Variants in EPHB1 observed in about 807,000 individuals in gnomAD.
The protein encoded by EPHB1 is EPH receptor B1.
A neutral mutation model predicts 94.4 loss-of-function variants in EPHB1; 30 were observed. The observed-to-expected ratio is 0.32, with a 90% CI of 0.24 to 0.43. The LOEUF (loss-of-function observed/expected upper bound fraction) is 0.43, where lower values mean the gene tolerates loss of function less well. Ranked by LOEUF, EPHB1 falls within the 20% of genes least tolerant of loss-of-function variation. The probability of loss-of-function intolerance (pLI) is 1.00; values close to 1 mark genes in which losing one functional copy is unlikely to be tolerated. For missense variants in EPHB1, 1,055 were observed against 1,308.3 expected (o/e 0.81, Z 2.99); for synonymous variants, 522 against 489.1 (o/e 1.07, Z -0.89).
At chr3:134,808,328 A>G (rs1018936515) in intron 1 of EPHB1, among the ~76,000 whole-genome samples, 1 of 152,140 alleles carries the variant, frequency 6.6e-6, no homozygotes, top group African/African-American at 2.4e-5. Flanking sequence ...CTCCATTACC[A>G]GGGTGATTGA....
chr3:134,837,836 G>C (rs985006375), intron 1 of EPHB1, among the ~76,000 whole-genome samples: 1 of 152,176 alleles, frequency 6.6e-6, no homozygotes, highest in African/African-American at 2.4e-5. Flanking sequence ...AAGGTGAGGA[G>C]AATGAGTGGC....
chr3:134,966,383 G>C (rs78958235), intron 3 of EPHB1, among the ~76,000 whole-genome samples: 1 of 152,106 alleles, frequency 6.6e-6, no homozygotes, highest in Admixed American at 6.6e-5. Flanking sequence ...TGGCAAAGAG[G>C]GCTTTGTCTT....
chr3:134,813,127 G>A (rs1395141005), intron 1 of EPHB1, among the ~76,000 whole-genome samples: 1 of 152,204 alleles, frequency 6.6e-6, no homozygotes, highest in Non-Finnish European at 1.5e-5. Context: ...ATGGATGGTG[G>A]TTTATGATCA....
chr3:135,108,377 G>A (rs575903575), intron 4 of EPHB1, among the ~76,000 whole-genome samples: 8 of 152,346 alleles, frequency 5.3e-5, no homozygotes, highest in African/African-American at 1.9e-4. Context: ...TTGTATTTTT[G>A]TAGTGCTACA....
intron 9 of EPHB1, among the ~76,000 whole-genome samples, chr3:135,172,597 C>T (rs998217645): frequency 1.3e-5 from 2 of 152,222 alleles, no homozygotes; most frequent in Non-Finnish European, 2.9e-5. Context: ...GACACAGCAT[C>T]CAGCCCAGAA....
intron 1 of EPHB1, among the ~76,000 whole-genome samples, chr3:134,824,672 C>G (rs1040378032): frequency 1.3e-5 from 2 of 152,130 alleles, no homozygotes; most frequent in African/African-American, 4.8e-5. Flanking sequence ...ACTTTTAAAG[C>G]TAGGTCAGAA....
intron 2 of EPHB1, among the ~76,000 whole-genome samples, chr3:134,939,388 G>T (rs552724525): frequency 3.9e-4 from 59 of 150,506 alleles, no homozygotes; most frequent in African/African-American, 1.4e-3. Flanking sequence ...GGGTGGGGGG[G>T]TGGCATTCCT....
chr3:134,812,201 T>C (rs2036192209), intron 1 of EPHB1, among the ~76,000 whole-genome samples: 1 of 152,202 alleles, frequency 6.6e-6, no homozygotes, highest in East Asian at 1.9e-4. Flanking sequence ...CACAAATGAG[T>C]GTGGTCATGT....
At chr3:135,219,908 C>T (rs9869354) in intron 12 of EPHB1, among the ~76,000 whole-genome samples, 89,849 of 152,064 alleles carry the variant, frequency 0.59, 28,280 homozygotes, top group Middle Eastern at 0.73. Context: ...ATGGGCCCTA[C>T]ACAGAGCAGA....
At chr3:134,872,596 A>G (rs2108308147) in intron 1 of EPHB1, among the ~76,000 whole-genome samples, 1 of 152,376 alleles carries the variant, frequency 6.6e-6, no homozygotes, top group South Asian at 2.1e-4. Context: ...CAGTTGTATG[A>G]CAATCCAACT....
chr3:135,074,993 T>A (rs898218046), intron 3 of EPHB1, among the ~76,000 whole-genome samples: 1 of 152,146 alleles, frequency 6.6e-6, no homozygotes, highest in African/African-American at 2.4e-5. Context: ...ATTGCCTGTG[T>A]GGTTTTTCTT....
intron 3 of EPHB1, among the ~76,000 whole-genome samples, chr3:134,970,632 C>T (rs1458969432): frequency 6.6e-6 from 1 of 151,860 alleles, no homozygotes; most frequent in African/African-American, 2.4e-5. Flanking sequence ...TGCTTGTTAA[C>T]TGATGTATCC....
intron 12 of EPHB1, among the ~76,000 whole-genome samples, chr3:135,223,377 C>G (rs1297883160): frequency 1.3e-5 from 2 of 152,168 alleles, no homozygotes; most frequent in Non-Finnish European, 2.9e-5. Flanking sequence ...TATGCTTTTA[C>G]CAAGGTTTCC....
chr3:135,064,599 G>A (rs1937557492), intron 3 of EPHB1, among the ~76,000 whole-genome samples: 1 of 151,906 alleles, frequency 6.6e-6, no homozygotes, highest in African/African-American at 2.4e-5. Flanking sequence ...CCTTTTCATG[G>A]TTAATCTTGC....
intron 1 of EPHB1, among the ~76,000 whole-genome samples, chr3:134,850,775 C>T (rs548195903): frequency 4.6e-5 from 7 of 152,356 alleles, no homozygotes; most frequent in South Asian, 2.1e-4. Context: ...TGTCATTACC[C>T]GCTTCACTCT....
chr3:134,979,193 G>T (rs975687804), intron 3 of EPHB1, among the ~76,000 whole-genome samples: 4 of 152,142 alleles, frequency 2.6e-5, no homozygotes, highest in Non-Finnish European at 5.9e-5. Context: ...AAGTGTATTT[G>T]AACTATTTTT....
At position 135,093,446 on chromosome 3, in the gene EPHB1, G is replaced by A. The variant is rs376024479; in HGVS notation, c.806-13002G>A. On this transcript the variant is annotated intron_variant, in intron 3 of 15. Transcript: ENST00000398015. ...TGAAAAATCTTTTTTAGCCAGACAC[G>A]GTGGCCCACACCTGTAATCCCGGCA... Among the ~76,000 whole-genome samples, 289 of 152,208 alleles carry A rather than the reference G, an allele frequency of 1.9e-3. 4 individuals are homozygous for A. The highest frequency in any genetic ancestry group is 6.7e-3 in the African/African-American group (279 of 41,522).
intron 15 of EPHB1, among the ~76,000 whole-genome samples, chr3:135,255,348 G>A (rs974341136): frequency 2.3e-4 from 34 of 150,794 alleles, no homozygotes; most frequent in Non-Finnish European, 4.1e-4. Context: ...TCTCTTGTGG[G>A]CATTTAGTGC....
chr3:135,159,076 A>G (rs1450953233), intron 6 of EPHB1, among the ~76,000 whole-genome samples: 1 of 152,098 alleles, frequency 6.6e-6, no homozygotes, highest in Admixed American at 6.5e-5. Flanking sequence ...TGCGCTGCAT[A>G]TTGGGGTGGG....
Sources: allele counts gnomAD v4.1 joint callset (sites outside exome capture counted in the v4.1 genomes callset), GRCh38; gene constraint gnomAD v4.1.1; transcripts MANE v1.5; gene names NCBI Gene and HGNC (gene_info 2026-07-23, HGNC 2026-07-21).